Variants in CREB3L2 observed in about 807,000 individuals in gnomAD.
CREB3L2 encodes the protein cAMP responsive element binding protein 3 like 2.
A neutral mutation model predicts 57.2 loss-of-function variants in CREB3L2; 23 were observed. The ratio of observed to expected loss-of-function variants is 0.40; its 90% confidence interval spans 0.29 to 0.57. The LOEUF (loss-of-function observed/expected upper bound fraction) is 0.57. Ranked by LOEUF, CREB3L2 falls within the 20% of genes least tolerant of loss-of-function variation. CREB3L2 has a pLI of 0.42. For missense variants in CREB3L2, 628 were observed against 634.7 expected (o/e 0.99, Z 0.11); for synonymous variants, 268 against 265.1 (o/e 1.01, Z -0.11).
intron 1 of CREB3L2, among the ~76,000 whole-genome samples, chr7:137,981,210 A>C (rs1801705049): frequency 6.6e-6 from 1 of 152,176 alleles, no homozygotes; most frequent in Non-Finnish European, 1.5e-5. Context: ...AAAGGGAAAG[A>C]GAAGGAGAGA....
chr7:137,900,785 C>A (rs1038877103), intron 8 of CREB3L2, among the ~76,000 whole-genome samples: 1 of 151,592 alleles, frequency 6.6e-6, no homozygotes, highest in African/African-American at 2.4e-5. Context: ...GCCTGGGCGA[C>A]AGAGCAAGAC....
At chr7:137,971,617 C>T (rs1414645003) in intron 1 of CREB3L2, among the ~76,000 whole-genome samples, 1 of 151,988 alleles carries the variant, frequency 6.6e-6, no homozygotes, top group East Asian at 1.9e-4. Flanking sequence ...GGATCTCTTT[C>T]CCCATTGTAA....
At position 137,976,828 on chromosome 7, in the gene CREB3L2, GC is replaced by G. The variant is rs533004745; in HGVS notation, c.102+24775del. ...CAAAGGGATAGGGGAGAATGCTTCT[GC>G]CTCCCATGAGCCCCGCCCAGAGACA... On this transcript the variant is annotated intron_variant, in intron 1 of 11. Transcript: ENST00000330387. 4.6e-3 allele frequency among the ~76,000 whole-genome samples: 707 copies of G among 152,322 alleles called. 2 individuals carry two copies. Among genetic ancestry groups the G allele is most frequent in the Non-Finnish European group, 7.2e-3 (488 of 68,028 alleles).
At position 138,001,483 on chromosome 7, in the gene CREB3L2, T is replaced by C; in HGVS notation, c.102+121A>G. The C allele has an allele frequency of 1.5e-6, 1 of 674,544 alleles. No individual in the cohort carries two copies. 41.8% of individuals were successfully genotyped at this position (674,544 alleles called of 1,614,324 possible). ...AAAGTACACCTCGCCCAGGACCTCT[T>C]GATTCTGACCATGCCCTGCCCCAAA... On this transcript the variant is annotated intron_variant, in intron 1 of 11. Coordinates refer to ENST00000330387, the MANE Select transcript of CREB3L2 (RefSeq NM_194071.4). This position sits in a 1 kb window ranked among gnomAD's most constrained non-coding sequence, Gnocchi z 4.2.
intron 1 of CREB3L2, among the ~76,000 whole-genome samples, chr7:137,953,743 T>C (rs1357116831): frequency 6.6e-6 from 1 of 152,218 alleles, no homozygotes; most frequent in Non-Finnish European, 1.5e-5. Flanking sequence ...CCTGTTTTCA[T>C]GATGGTTTCT....
intron 1 of CREB3L2, among the ~76,000 whole-genome samples, chr7:137,938,859 A>G (rs1800836750): frequency 6.6e-6 from 1 of 152,206 alleles, no homozygotes; most frequent in African/African-American, 2.4e-5. Flanking sequence ...TGGAAAAAAA[A>G]TCCACTGTTT....
chr7:137,957,753 G>A (rs1263104902), intron 1 of CREB3L2: 4 of 1,288,494 alleles, frequency 3.1e-6, no homozygotes, highest in African/African-American at 3.0e-5. Context: ...GCACCTGTAA[G>A]AAAGAAGACT....
At chr7:137,941,310 T>A (rs918404518) in intron 1 of CREB3L2, among the ~76,000 whole-genome samples, 1 of 152,234 alleles carries the variant, frequency 6.6e-6, no homozygotes, top group Non-Finnish European at 1.5e-5. Context: ...GGTGCTATGG[T>A]AAATGAAAAC....
At chr7:137,911,000 T>A (rs1799993137) in intron 4 of CREB3L2, among the ~76,000 whole-genome samples, 1 of 152,188 alleles carries the variant, frequency 6.6e-6, no homozygotes. Flanking sequence ...TTGAAACATT[T>A]CTCCTCCAAT....
chr7:137,891,483 G>C (rs1362278545), intron 8 of CREB3L2, among the ~76,000 whole-genome samples: 1 of 152,022 alleles, frequency 6.6e-6, no homozygotes, highest in East Asian at 1.9e-4. Context: ...TTTCCCACTG[G>C]AGTCAGAAAC....
At chr7:137,965,375 G>A (rs774981169) in intron 1 of CREB3L2, among the ~76,000 whole-genome samples, 3 of 152,178 alleles carry the variant, frequency 2.0e-5, no homozygotes, top group African/African-American at 4.8e-5. Context: ...AGACAGAAAC[G>A]TGAACTTTTG....
intron 1 of CREB3L2, among the ~76,000 whole-genome samples, chr7:137,948,335 C>T (rs1156373189): frequency 1.3e-5 from 2 of 152,220 alleles, no homozygotes; most frequent in African/African-American, 2.4e-5. Flanking sequence ...ACTCAATTCA[C>T]GATTAAACTG....
At chr7:138,000,387 G>A (rs1802054669) in intron 1 of CREB3L2, among the ~76,000 whole-genome samples, 1 of 152,168 alleles carries the variant, frequency 6.6e-6, no homozygotes, top group African/African-American at 2.4e-5. Context: ...AAGCCCAGAA[G>A]ATCACACTGA....
rs142147886 is a variant in CREB3L2 at position 137,941,543 on chromosome 7, T to C, written c.103-13177A>G. ...AAGTGCTACCAGAATCCAAGAGCTT[T>C]GAGGCCTGCTCAGGACAGACTATCT... On this transcript the variant is annotated intron_variant, in intron 1 of 11. Coordinates refer to ENST00000330387, the MANE Select transcript of CREB3L2 (RefSeq NM_194071.4). Among the ~76,000 whole-genome samples, 642 of 152,350 alleles carry C rather than the reference T, an allele frequency of 4.2e-3. 5 individuals are homozygous for C. Among genetic ancestry groups the C allele is most frequent in the Non-Finnish European group, 7.1e-3 (482 of 68,028 alleles).
chr7:137,979,721 G>A (rs1303041436), intron 1 of CREB3L2, among the ~76,000 whole-genome samples: 11 of 124,152 alleles, frequency 8.9e-5, no homozygotes, highest in Admixed American at 5.2e-4. Context: ...TCGAGACTCC[G>A]TCTCAAAAAC....
rs776865154 is a variant in CREB3L2 at position 137,876,028 on chromosome 7, G to A, written c.*4448C>T. On this transcript the variant is annotated 3_prime_UTR_variant, in exon 12 of 12. Coordinates refer to ENST00000330387, the MANE Select transcript of CREB3L2 (RefSeq NM_194071.4). ...GCCCTGAGAAATGTTCCGCTATGAG[G>A]ATTTATAATACCTTTAATCCTGGCT... is the stretch of plus-strand genomic sequence containing the variant. 8.7e-6 allele frequency: 2 copies of A among 229,934 alleles called. No individual in the cohort carries two copies. The highest frequency in any genetic ancestry group is 2.2e-5 in the African/African-American group (1 of 45,126). The allele number at this position is 229,934 out of a possible 1,614,324, so 14.2% of individuals were successfully genotyped here.
At chr7:137,962,687 A>G (rs1450335996) in intron 1 of CREB3L2, among the ~76,000 whole-genome samples, 2 of 151,110 alleles carry the variant, frequency 1.3e-5, no homozygotes, top group East Asian at 2.0e-4. Flanking sequence ...ATTGTTCTCC[A>G]TAACATGAAT....
Position 137,972,699 on chromosome 7 carries a change from A to C in CREB3L2, c.102+28905T>G, listed in dbSNP as rs1455395703. Among the ~76,000 whole-genome samples the C allele has an allele frequency of 1.3e-3, 52 of 41,078 alleles. 1 individual carries two copies. Among genetic ancestry groups the C allele is most frequent in the Admixed American group, 8.9e-3 (24 of 2,688 alleles). 26.9% of individuals were successfully genotyped at this position (41,078 alleles called of 152,430 possible). A position where few individuals can be genotyped will look rare whatever the true frequency, so the allele number is the denominator to read the frequency against. On this transcript the variant is annotated intron_variant, in intron 1 of 11. Transcript: ENST00000330387. ...CCCGTCTCTACAAAAAAAAAAAAAA[A>C]AAAAAAAAAAAAAATATATATATAT... is the stretch of plus-strand genomic sequence containing the variant.
intron 8 of CREB3L2, among the ~76,000 whole-genome samples, chr7:137,893,910 C>T (rs888867929): frequency 7.9e-5 from 12 of 152,206 alleles, no homozygotes; most frequent in East Asian, 3.8e-4. Flanking sequence ...CTGCTCCTTC[C>T]GGCTCCCTCT....
Sources: allele counts gnomAD v4.1 joint callset (sites outside exome capture counted in the v4.1 genomes callset), GRCh38; gene constraint gnomAD v4.1.1; non-coding constraint Gnocchi (gnomAD v3.1); transcripts MANE v1.5; gene names NCBI Gene and HGNC (gene_info 2026-07-23, HGNC 2026-07-21).